RAMP3: variants seen among roughly 807,000 people sequenced by gnomAD.
The protein encoded by RAMP3 is receptor activity-modifying protein 3.
Under a neutral mutation model 13.5 loss-of-function variants are expected in RAMP3, and 14 were observed. That is an observed-to-expected ratio of 1.04 (90% CI 0.69 to 1.63). The LOEUF (loss-of-function observed/expected upper bound fraction) is 1.63. Among genes scored for constraint, RAMP3 ranks in the 40% most tolerant of loss-of-function variants. The probability of loss-of-function intolerance (pLI) is 0.00; values close to 1 mark genes in which losing one functional copy is unlikely to be tolerated. For synonymous variants in RAMP3, 106 were observed against 88.3 expected, an observed-to-expected ratio of 1.20 and a Z score of -1.12; for missense variants, 200 against 204.8, an observed-to-expected ratio of 0.98 and a Z score of 0.14.
chr7:45,169,654 T>TAGCATCAC (rs1230792782), intron 1 of RAMP3, among the ~76,000 whole-genome samples: 4 of 152,212 alleles, frequency 2.6e-5, no homozygotes, highest in African/African-American at 9.7e-5. Flanking sequence ...TGGCTTGCAG[T>TAGCATCAC]AGCATCACTC....
At position 45,183,624 on chromosome 7, in the gene RAMP3, C is replaced by T. The variant is rs986108310; in HGVS notation, c.*212C>T. ...AGGCTATCCGCCCAAGCTCTTTGCT[C>T]ATTCTAGGGCCAGTGGAGGAAAATG... On this transcript the variant is annotated 3_prime_UTR_variant, in exon 3 of 3. Transcript: ENST00000242249. 1.5e-6 allele frequency: 1 copy of T among 661,052 alleles called. No individual in the cohort carries two copies. Among genetic ancestry groups the T allele is most frequent in the African/African-American group, 1.8e-5 (1 of 55,008 alleles). The allele number at this position is 661,052 out of a possible 1,614,324, so 40.9% of individuals were successfully genotyped here.
Position 45,177,203 on chromosome 7 carries a change from C to A in RAMP3, c.59-106C>A, listed in dbSNP as rs764956932. ...GCTGGAACGGTCTCAGGCTTGCAAACGGAGCCTTGCTAGTGAGTACTCAAG... is the reference window on the plus strand; with the variant it reads ...GCTGGAACGGTCTCAGGCTTGCAAAAGGAGCCTTGCTAGTGAGTACTCAAG... On this transcript the variant is annotated intron_variant, in intron 1 of 2. Coordinates refer to ENST00000242249, the MANE Select transcript of RAMP3 (RefSeq NM_005856.3). 12 of 1,454,486 alleles carry A rather than the reference C, an allele frequency of 8.3e-6. No individual in the cohort carries two copies. The African/African-American group carries it at 1.5e-4, about 19-fold the overall frequency. The allele number at this position is 1,454,486 out of a possible 1,614,324, so 90.1% of individuals were successfully genotyped here. A position where few individuals can be genotyped will look rare whatever the true frequency, so the allele number is the denominator to read the frequency against.
chr7:45,177,538 G>C, intron 2 of RAMP3, 97 bp downstream of exon 2: 1 of 1,554,168 alleles, frequency 6.4e-7, no homozygotes, highest in Admixed American at 1.7e-5. Context: ...TCTACCCAAG[G>C]CCTCACCCAT....
At position 45,166,513 on chromosome 7, in the gene RAMP3, C is replaced by T. The variant is rs367667296; in HGVS notation, c.58+8627C>T. On this transcript the variant is annotated intron_variant, in intron 1 of 2. Coordinates refer to ENST00000242249, the MANE Select transcript of RAMP3 (RefSeq NM_005856.3). ...CCCATTTTTAATTGCTTTATTTTTC[C>T]CTTTATTATGGAGTTGTAAGAATTC... Among the ~76,000 whole-genome samples the T allele has an allele frequency of 4.0e-5, 6 of 151,876 alleles. No homozygotes were observed. In the East Asian group the frequency reaches 1.2e-3, roughly 29 times the overall value.
chr7:45,171,143 C>CT (rs1786073887), intron 1 of RAMP3, among the ~76,000 whole-genome samples: 1 of 150,688 alleles, frequency 6.6e-6, no homozygotes, highest in South Asian at 2.1e-4. Context: ...TTCTTTCCAT[C>CT]TTTGATTTCC....
intron 1 of RAMP3, among the ~76,000 whole-genome samples, chr7:45,176,507 C>G (rs1786190180): frequency 6.6e-6 from 1 of 151,772 alleles, no homozygotes; most frequent in African/African-American, 2.4e-5. Context: ...TGATGAGCAC[C>G]AAAGCAGAGG....
chr7:45,175,003 G>C (rs1441770841), intron 1 of RAMP3, among the ~76,000 whole-genome samples: 1 of 152,202 alleles, frequency 6.6e-6, no homozygotes, highest in African/African-American at 2.4e-5. Context: ...GGGACCATGT[G>C]GGGGACCTGT....
intron 1 of RAMP3, among the ~76,000 whole-genome samples, chr7:45,171,014 G>A (rs1262090010): frequency 1.3e-5 from 2 of 151,698 alleles, no homozygotes; most frequent in African/African-American, 4.8e-5. Context: ...TTGGTATGTT[G>A]TGTCTTTTAT....
chr7:45,158,178 C>A (rs1435542206), intron 1 of RAMP3, among the ~76,000 whole-genome samples: 1 of 152,252 alleles, frequency 6.6e-6, no homozygotes, highest in Non-Finnish European at 1.5e-5. Flanking sequence ...TCCCCCCACG[C>A]CCCGGTTCTG....
intron 1 of RAMP3, among the ~76,000 whole-genome samples, chr7:45,162,551 A>T (rs1785884701): frequency 6.6e-6 from 1 of 151,518 alleles, no homozygotes; most frequent in South Asian, 2.1e-4. Context: ...TTGAACCTTG[A>T]CTCCCCTGCC....
At position 45,183,203 on chromosome 7, in the gene RAMP3, G is replaced by T; in HGVS notation, c.238G>T (p.Val80Leu). 1 of 1,613,396 alleles carries T rather than the reference G, an allele frequency of 6.2e-7. No individual in the cohort carries two copies. ...TNCTEMEANV[V>L]GCYWPNPLAQ... ...CTGCACCGAGATGGAGGCCAATGTC[G>T]TGGGCTGCTACTGGCCCAACCCCCT... Residue 80 changes from valine to leucine, a missense_variant, in exon 3 of 3, where the codon GTG becomes TTG. Transcript: ENST00000242249.
chr7:45,163,536 G>T lies in RAMP3; in HGVS notation c.58+5650G>T, dbSNP rs1316269746. 4 of 985,338 alleles carry T rather than the reference G, an allele frequency of 4.1e-6. No individual in the cohort carries two copies. In the South Asian group the frequency reaches 1.9e-4, roughly 46 times the overall value. 61.0% of individuals were successfully genotyped at this position (985,338 alleles called of 1,614,324 possible). A position where few individuals can be genotyped will look rare whatever the true frequency, so the allele number is the denominator to read the frequency against. On this transcript the variant is annotated intron_variant, in intron 1 of 2. Coordinates refer to ENST00000242249, the MANE Select transcript of RAMP3 (RefSeq NM_005856.3). The stretch of plus-strand genomic sequence containing the variant: ...AGGTGCTGCCAGCAGCCAGAGGGTC[G>T]TGGAGCAGCAGCTCATGGGTGGGAC...
At chr7:45,166,754 T>C (rs2128655978) in intron 1 of RAMP3, among the ~76,000 whole-genome samples, 1 of 152,222 alleles carries the variant, frequency 6.6e-6, no homozygotes, top group South Asian at 2.1e-4. Flanking sequence ...ACAAAGATTT[T>C]CTCCTGTATT....
At chr7:45,178,841 G>A (rs895859975) in intron 2 of RAMP3, among the ~76,000 whole-genome samples, 11 of 152,226 alleles carry the variant, frequency 7.2e-5, no homozygotes, top group Non-Finnish European at 1.0e-4. Context: ...GAGGCAACCC[G>A]ATGGGCATTT....
At chr7:45,182,400 T>C (rs1474274371) in intron 2 of RAMP3, among the ~76,000 whole-genome samples, 1 of 151,928 alleles carries the variant, frequency 6.6e-6, no homozygotes, top group East Asian at 1.9e-4. Context: ...TTGGAACAGG[T>C]GGTGGCTGGG....
rs551948879 is a variant in RAMP3 at position 45,163,550 on chromosome 7, C to T, written c.58+5664C>T. 52 of 985,196 alleles carry T rather than the reference C, an allele frequency of 5.3e-5. No homozygotes were observed. The South Asian group carries it at 2.3e-3, about 44-fold the overall frequency. The allele number at this position is 985,196 out of a possible 1,614,324, so 61.0% of individuals were successfully genotyped here. On this transcript the variant is annotated intron_variant, in intron 1 of 2. Transcript: ENST00000242249. ...GCCAGAGGGTCGTGGAGCAGCAGCT[C>T]ATGGGTGGGACAAGCTGGAGGCTGG...
At chr7:45,159,290 T>C (rs901242600) in intron 1 of RAMP3, among the ~76,000 whole-genome samples, 4 of 152,148 alleles carry the variant, frequency 2.6e-5, no homozygotes, top group Non-Finnish European at 2.9e-5. Context: ...CAGAGTGAGA[T>C]TCAGGGAGAG....
rs187001805 is a variant in RAMP3, at chr7:45,177,460, C to A, written c.191+19C>A. The A allele has an allele frequency of 3.5e-4, 563 of 1,613,782 alleles. 3 individuals carry two copies. The highest frequency in any genetic ancestry group is 2.0e-3 in the Middle Eastern group (12 of 6,060). On this transcript the variant is annotated intron_variant, in intron 2 of 2. Transcript: ENST00000242249. ...TCATCGTGTGAGTGCCACTGCTGGG[C>A]GTGGGATTTGCTCTGACCACAGCGC... is the stretch of plus-strand genomic sequence containing the variant.
At chr7:45,168,822 G>C (rs1051782991) in intron 1 of RAMP3, among the ~76,000 whole-genome samples, 1 of 152,172 alleles carries the variant, frequency 6.6e-6, no homozygotes, top group Non-Finnish European at 1.5e-5. Context: ...TTGAATAGAA[G>C]TGGTGAAACC....
Sources: gnomAD v4.1 joint callset for allele counts (sites outside exome capture counted in the v4.1 genomes callset) on GRCh38, gnomAD v4.1.1 for gene constraint, MANE v1.5 for transcripts, NCBI Gene and HGNC (gene_info 2026-07-23, HGNC 2026-07-21) for gene names.